Variants in CWH43 observed in about 807,000 individuals in gnomAD.
CWH43 encodes PGAP2-interacting protein.
In CWH43, 91 loss-of-function variants were observed where a neutral mutation model predicts 85.7. The observed-to-expected ratio is 1.06, with a 90% CI of 0.90 to 1.26. The LOEUF (loss-of-function observed/expected upper bound fraction) is 1.26. CWH43 is among the 50% of genes most tolerant of loss of function. CWH43 has a pLI of 0.00. For missense variants in CWH43, 869 were observed against 839.2 expected (o/e 1.04, Z -0.44); for synonymous variants, 323 against 293.6 (o/e 1.10, Z -1.02).
At chr4:49,016,347 A>G (rs1480477642) in intron 8 of CWH43, among the ~76,000 whole-genome samples, 3 of 152,126 alleles carry the variant, frequency 2.0e-5, no homozygotes, top group Non-Finnish European at 2.9e-5. Flanking sequence ...AGTGGGCACC[A>G]TGGAAGAGGG....
At chr4:49,034,757 T>C (rs534032542) in intron 12 of CWH43, among the ~76,000 whole-genome samples, 1 of 152,344 alleles carries the variant, frequency 6.6e-6, no homozygotes, top group East Asian at 1.9e-4. Context: ...GCTGAGTTTC[T>C]TAACTACCTT....
At chr4:49,023,398 G>C (rs1783809727) in intron 9 of CWH43, among the ~76,000 whole-genome samples, 1 of 152,008 alleles carries the variant, frequency 6.6e-6, no homozygotes, top group Admixed American at 6.6e-5. Flanking sequence ...TTTTGAGATG[G>C]AGTTTCTCTC....
intron 15 of CWH43, among the ~76,000 whole-genome samples, chr4:49,058,150 T>C (rs1270150869): frequency 3.3e-5 from 5 of 152,216 alleles, no homozygotes; most frequent in Non-Finnish European, 5.9e-5. Context: ...GTTTTCTGAC[T>C]GTTTTACAGT....
rs1454736278 is a variant in CWH43 at position 48,986,704 on chromosome 4, G to A, written c.43+232G>A. 4.4e-6 allele frequency: 6 copies of A among 1,352,676 alleles called. No individual in the cohort carries two copies. In the African/African-American group the frequency reaches 9.1e-5, roughly 20 times the overall value. The allele number at this position is 1,352,676 out of a possible 1,614,324, so 83.8% of individuals were successfully genotyped here. A position where few individuals can be genotyped will look rare whatever the true frequency, so the allele number is the denominator to read the frequency against. On this transcript the variant is annotated intron_variant, in intron 1 of 15. Coordinates refer to ENST00000226432, the MANE Select transcript of CWH43 (RefSeq NM_025087.3). ...CTGCGAGGCGCCCGCGAGAGACCCCGTCGCCCGAGTTCCCAGCAGCCCTGG... is the reference window on the plus strand; with the variant it reads ...CTGCGAGGCGCCCGCGAGAGACCCCATCGCCCGAGTTCCCAGCAGCCCTGG...
At chr4:48,988,964 A>T (rs1476001567) in intron 2 of CWH43, among the ~76,000 whole-genome samples, 14 of 152,306 alleles carry the variant, frequency 9.2e-5, no homozygotes, top group Middle Eastern at 3.4e-3. Context: ...TTTCTTTCCA[A>T]CTGTGACATA....
At chr4:49,024,077 TC>T (rs1289030203) in intron 9 of CWH43, among the ~76,000 whole-genome samples, 1 of 152,198 alleles carries the variant, frequency 6.6e-6, no homozygotes, top group Admixed American at 6.5e-5. Flanking sequence ...GTTGGACTAG[TC>T]CTTTTATCGT....
chr4:48,986,331 C>A lies in CWH43; in HGVS notation c.-99C>A, dbSNP rs1318175534. On this transcript the variant is annotated 5_prime_UTR_variant, in exon 1 of 16. Coordinates refer to ENST00000226432, the MANE Select transcript of CWH43 (RefSeq NM_025087.3). ...CGGGAACGAGGGGCGCGGACGCAGG[C>A]CCGGGAGGACGCGGCGGCGGGAACC... The A allele has an allele frequency of 3.3e-6, 4 of 1,199,190 alleles. No individual in the cohort carries two copies. The highest frequency in any genetic ancestry group is 3.1e-5 in the African/African-American group (2 of 65,228). The allele number at this position is 1,199,190 out of a possible 1,614,324, so 74.3% of individuals were successfully genotyped here.
intron 13 of CWH43, among the ~76,000 whole-genome samples, chr4:49,039,306 G>GAT (rs71600797): frequency 0.026 from 120 of 4,596 alleles, 30 homozygotes; most frequent in East Asian, 0.056. Context: ...TCAGGAGACT[G>GAT]ATATATATAT....
At chr4:49,049,537 A>G (rs1157473116) in intron 14 of CWH43, among the ~76,000 whole-genome samples, 3 of 151,948 alleles carry the variant, frequency 2.0e-5, no homozygotes, top group South Asian at 2.1e-4. Context: ...AAAAACAGCA[A>G]CAACAACAAC....
chr4:49,052,761 C>T (rs968698402), intron 15 of CWH43, among the ~76,000 whole-genome samples: 3 of 152,190 alleles, frequency 2.0e-5, no homozygotes, highest in African/African-American at 7.2e-5. Context: ...AATTTTAAAA[C>T]TGTGATGAGA....
In CWH43 at chr4:48,991,974, T is replaced by C; in HGVS notation, c.395T>C (p.Val132Ala). The C allele has an allele frequency of 6.2e-6, 10 of 1,613,946 alleles. No individual in the cohort carries two copies. The highest frequency in any genetic ancestry group is 6.8e-6 in the Non-Finnish European group (8 of 1,179,916). The change falls in exon 4 of 16, where the codon GTT becomes GCT. Residue 132 changes from valine to alanine, a missense_variant. By Grantham distance (64) the Val-to-Ala change is moderately conservative. Coordinates refer to ENST00000226432, the MANE Select transcript of CWH43 (RefSeq NM_025087.3). ...RIWGFILGQI[V>A]LVVLRIWYTS... is the part of the protein sequence containing the mutation. ...TGGGGATTCATTTTAGGACAGATTG[T>C]TCTTGTTGTTCTACGCATATGGTAT...
chr4:49,000,308 A>G (rs1577659487), intron 6 of CWH43, among the ~76,000 whole-genome samples: 1 of 152,192 alleles, frequency 6.6e-6, no homozygotes, highest in South Asian at 2.1e-4. Flanking sequence ...GGCTAAATCG[A>G]TGAGGTTGGC....
At position 49,050,714 on chromosome 4, in the gene CWH43, C is replaced by A; in HGVS notation, c.1886C>A (p.Ser629Tyr). ...GLIRLGYARISHAELSDSEIQ... is the reference protein window; with the variant it reads ...GLIRLGYARIYHAELSDSEIQ... ...TACAGGTTGGGTTATGCAAGAATCT[C>A]CCATGCTGAACTGAGTGATTCAGAA... Residue 629 changes from serine to tyrosine, a missense_variant, in exon 15 of 16, where the codon TCC becomes TAC. Coordinates refer to ENST00000226432, the MANE Select transcript of CWH43 (RefSeq NM_025087.3). The A allele has an allele frequency of 1.2e-6, 2 of 1,612,322 alleles. No individual in the cohort carries two copies. Among genetic ancestry groups the A allele is most frequent in the South Asian group, 1.1e-5 (1 of 90,744 alleles).
At chr4:49,039,723 CTT>C (rs1298194457) in intron 13 of CWH43, among the ~76,000 whole-genome samples, 1 of 149,660 alleles carries the variant, frequency 6.7e-6, no homozygotes, top group Non-Finnish European at 1.5e-5. Flanking sequence ...GAGTGTATTT[CTT>C]TTTTTTTCTG....
intron 13 of CWH43, among the ~76,000 whole-genome samples, chr4:49,039,306 G>GATTATATATAT (rs1553916916): frequency 4.3e-4 from 2 of 4,602 alleles, no homozygotes; most frequent in South Asian, 6.8e-3. Context: ...TCAGGAGACT[G>GATTATATATAT]ATATATATAT....
At chr4:49,050,889 G>T in intron 15 of CWH43, 40 bp downstream of exon 15, 1 of 1,485,732 alleles carries the variant, frequency 6.7e-7, no homozygotes, top group Non-Finnish European at 9.3e-7. Context: ...ATGAGCTACT[G>T]CATCCCTCTA....
At chr4:49,056,968 T>C (rs1784984693) in intron 15 of CWH43, among the ~76,000 whole-genome samples, 1 of 152,236 alleles carries the variant, frequency 6.6e-6, no homozygotes, top group Admixed American at 6.5e-5. Flanking sequence ...CCAATTTTCC[T>C]CTTATTAATT....
chr4:49,049,529 AAAC>A (rs2109837848), intron 14 of CWH43, among the ~76,000 whole-genome samples: 1 of 152,078 alleles, frequency 6.6e-6, no homozygotes, highest in Non-Finnish European at 1.5e-5. Context: ...CTAAAAAAAA[AAAC>A]AGCAACAACA....
intron 12 of CWH43, among the ~76,000 whole-genome samples, chr4:49,034,801 AT>A (rs1434034270): frequency 1.3e-5 from 2 of 152,188 alleles, no homozygotes; most frequent in Non-Finnish European, 2.9e-5. Context: ...AATCAGTGCA[AT>A]AGTCCTACCT....
Sources: allele counts gnomAD v4.1 joint callset (sites outside exome capture counted in the v4.1 genomes callset), GRCh38; gene constraint gnomAD v4.1.1; transcripts MANE v1.5; gene names NCBI Gene and HGNC (gene_info 2026-07-23, HGNC 2026-07-21).